GSTCD: variants seen among roughly 807,000 people sequenced by gnomAD.
GSTCD encodes the protein glutathione S-transferase C-terminal domain-containing protein.
In GSTCD, 44 loss-of-function variants were observed where a neutral mutation model predicts 68.3. The observed-to-expected ratio is 0.64, with a 90% CI of 0.51 to 0.83. GSTCD has a LOEUF of 0.83. Ranked by LOEUF, GSTCD falls within the 40% of genes least tolerant of loss-of-function variation. The probability of loss-of-function intolerance (pLI) is 0.00; values close to 1 mark genes in which losing one functional copy is unlikely to be tolerated. For synonymous variants in GSTCD, 273 were observed against 255.2 expected (o/e 1.07, Z -0.67); for missense variants, 739 against 735.9 (o/e 1.00, Z -0.05).
chr4:105,776,681 G>T (rs1578465875), intron 5 of GSTCD, among the ~76,000 whole-genome samples: 2 of 152,130 alleles, frequency 1.3e-5, no homozygotes, highest in Admixed American at 1.3e-4. Flanking sequence ...TGTCTAACCA[G>T]TCCCAATGAG....
chr4:105,815,574 C>T (rs758539838), intron 5 of GSTCD, among the ~76,000 whole-genome samples: 1 of 152,060 alleles, frequency 6.6e-6, no homozygotes, highest in African/African-American at 2.4e-5. Flanking sequence ...ACCATGTGCA[C>T]AAAAGAAGTA....
intron 11 of GSTCD, among the ~76,000 whole-genome samples, chr4:105,843,115 G>A (rs1486631061): frequency 6.6e-6 from 1 of 152,176 alleles, no homozygotes; most frequent in Non-Finnish European, 1.5e-5. Context: ...AGATGAAGCT[G>A]TTAGCTTACA....
At chr4:105,728,596 A>G (rs558502080) in intron 4 of GSTCD, among the ~76,000 whole-genome samples, 1 of 152,238 alleles carries the variant, frequency 6.6e-6, no homozygotes, top group East Asian at 1.9e-4. Flanking sequence ...AAAGCATTCG[A>G]TGCTAGAGTC....
chr4:105,803,043 C>A (rs923055870), intron 5 of GSTCD, among the ~76,000 whole-genome samples: 1 of 152,070 alleles, frequency 6.6e-6, no homozygotes, highest in African/African-American at 2.4e-5. Flanking sequence ...AATAGTCCTA[C>A]AAATACTATT....
chr4:105,786,276 T>C (rs901441095), intron 5 of GSTCD, among the ~76,000 whole-genome samples: 1 of 151,234 alleles, frequency 6.6e-6, no homozygotes, highest in Non-Finnish European at 1.5e-5. Context: ...TTTCGGAGGC[T>C]GAGGCAGGCA....
intron 5 of GSTCD, among the ~76,000 whole-genome samples, chr4:105,775,257 C>T (rs1315361571): frequency 6.6e-6 from 1 of 152,062 alleles, no homozygotes; most frequent in East Asian, 1.9e-4. Flanking sequence ...TTCCTCTAAC[C>T]TTTTTTCAAG....
intron 5 of GSTCD, among the ~76,000 whole-genome samples, chr4:105,787,591 G>T (rs1325019586): frequency 6.6e-6 from 1 of 151,878 alleles, no homozygotes; most frequent in African/African-American, 2.4e-5. Context: ...TGTCAGTCAG[G>T]GAGAAGCAGC....
chr4:105,837,841 CTTT>C lies in GSTCD; in HGVS notation c.1665-12_1665-10del. On this transcript the variant is annotated splice_polypyrimidine_tract_variant and intron_variant, in intron 9 of 11. Transcript: ENST00000515279. The stretch of plus-strand genomic sequence containing the variant: ...TAATATTTAGAATGATGACTAATTC[CTTT>C]TTTTTCTATTTCAGTGAACAATTCA... 1 of 1,014,348 alleles carries C rather than the reference CTTT, an allele frequency of 9.9e-7. No homozygotes were observed. Among genetic ancestry groups the C allele is most frequent in the East Asian group, 2.6e-5 (1 of 38,026 alleles). 62.8% of individuals were successfully genotyped at this position (1,014,348 alleles called of 1,614,324 possible). A position where few individuals can be genotyped will look rare whatever the true frequency, so the allele number is the denominator to read the frequency against.
chr4:105,778,792 C>G (rs927856475), intron 5 of GSTCD, among the ~76,000 whole-genome samples: 2 of 151,842 alleles, frequency 1.3e-5, no homozygotes, highest in Admixed American at 6.6e-5. Context: ...ATATACTTTC[C>G]AGACATATGA....
At chr4:105,807,637 G>A (rs555200237) in intron 5 of GSTCD, among the ~76,000 whole-genome samples, 1 of 152,206 alleles carries the variant, frequency 6.6e-6, no homozygotes, top group South Asian at 2.1e-4. Flanking sequence ...TGGCAAGACT[G>A]CAACAGAATG....
intron 5 of GSTCD, chr4:105,761,605 A>G (rs1734413390): frequency 1.3e-5 from 2 of 152,140 alleles, no homozygotes; most frequent in Non-Finnish European, 2.9e-5. Context: ...CATAAGGACT[A>G]CAGCATTTTT....
intron 5 of GSTCD, among the ~76,000 whole-genome samples, chr4:105,819,640 A>C (rs1172115072): frequency 6.6e-6 from 1 of 151,720 alleles, no homozygotes. Context: ...TGTCTTTCTT[A>C]ATGCTGTTAA....
At chr4:105,810,157 G>A (rs769862918) in intron 5 of GSTCD, among the ~76,000 whole-genome samples, 42 of 152,026 alleles carry the variant, frequency 2.8e-4, no homozygotes, top group Non-Finnish European at 6.0e-4. Context: ...TAACTTCTCT[G>A]TATTGAATTA....
At chr4:105,726,295 A>G (rs1733030769) in intron 3 of GSTCD, among the ~76,000 whole-genome samples, 1 of 152,200 alleles carries the variant, frequency 6.6e-6, no homozygotes, top group South Asian at 2.1e-4. Flanking sequence ...TTCCATTTGT[A>G]TGAAATTCTA....
chr4:105,728,847 T>C (rs964187819), intron 4 of GSTCD, among the ~76,000 whole-genome samples: 3 of 152,110 alleles, frequency 2.0e-5, no homozygotes, highest in African/African-American at 7.2e-5. Flanking sequence ...TTTAATATAT[T>C]GAAAAGTGGT....
chr4:105,726,496 TG>T (rs1213738804), intron 3 of GSTCD, 82 bp from the exon 4 acceptor site: 3 of 795,476 alleles, frequency 3.8e-6, no homozygotes, highest in Non-Finnish European at 5.9e-6. Context: ...AATGTGTGAA[TG>T]TTGTGGTTTG....
At chr4:105,769,239 A>G (rs62317675) in intron 5 of GSTCD, among the ~76,000 whole-genome samples, 712 of 8,238 alleles carry the variant, frequency 0.086, 7 homozygotes, top group East Asian at 0.18. Flanking sequence ...GCGCGCACAC[A>G]CACACACACA....
At chr4:105,791,266 G>A (rs1443885833) in intron 5 of GSTCD, among the ~76,000 whole-genome samples, 5 of 151,726 alleles carry the variant, frequency 3.3e-5, no homozygotes, top group East Asian at 3.9e-4. Context: ...GGTGGTGGGC[G>A]CCTGTAGTCC....
chr4:105,774,620 G>C (rs959962716), intron 5 of GSTCD, among the ~76,000 whole-genome samples: 1 of 152,102 alleles, frequency 6.6e-6, no homozygotes, highest in Non-Finnish European at 1.5e-5. Flanking sequence ...AGCTTAGTTT[G>C]GCTGGATATG....
Sources: gnomAD v4.1 joint callset for allele counts (sites outside exome capture counted in the v4.1 genomes callset) on GRCh38, gnomAD v4.1.1 for gene constraint, MANE v1.5 for transcripts, NCBI Gene and HGNC (gene_info 2026-07-23, HGNC 2026-07-21) for gene names.